R3HCC1L: variants seen among roughly 807,000 people sequenced by gnomAD.
R3HCC1L encodes coiled-coil domain-containing protein R3HCC1L.
In R3HCC1L, 51 loss-of-function variants were observed where a neutral mutation model predicts 59.9. The observed-to-expected ratio is 0.85, with a 90% CI of 0.68 to 1.07. R3HCC1L has a LOEUF of 1.07. Among genes scored for constraint, R3HCC1L ranks in the 50% least tolerant of loss-of-function variants. The pLI is 0.00. For missense variants in R3HCC1L, 965 were observed against 933.0 expected, an observed-to-expected ratio of 1.03 and a Z score of -0.45; for synonymous variants, 322 against 315.2, an observed-to-expected ratio of 1.02 and a Z score of -0.23.
chr10:98,211,231 C>T lies in R3HCC1L; in HGVS notation c.1785+1332C>T, dbSNP rs1853531304. ...CAAAGTATGGTCCCTAGACCAGCAG[C>T]ATGAGTATCACCTAGGAACTTGTTA... is the stretch of plus-strand genomic sequence containing the variant. On this transcript the variant is annotated intron_variant, in intron 5 of 9. Transcript: ENST00000298999. The T allele has an allele frequency of 5.6e-6, 5 of 892,378 alleles. No individual in the cohort carries two copies. In the Admixed American group the frequency reaches 9.0e-5, roughly 16 times the overall value. 55.3% of individuals were successfully genotyped at this position (892,378 alleles called of 1,614,324 possible).
At chr10:98,243,090 T>C (rs1182005928) in intron 9 of R3HCC1L, among the ~76,000 whole-genome samples, 4 of 152,234 alleles carry the variant, frequency 2.6e-5, no homozygotes, top group African/African-American at 7.2e-5. Context: ...ATAACTAACT[T>C]CTTTGCCCTT....
intron 1 of R3HCC1L, among the ~76,000 whole-genome samples, chr10:98,135,117 G>T (rs966042194): frequency 6.6e-6 from 1 of 152,214 alleles, no homozygotes; most frequent in Non-Finnish European, 1.5e-5. Flanking sequence ...TTCGAGCCTC[G>T]CCTTTGAGCC....
At chr10:98,196,712 A>G (rs1328002828) in intron 4 of R3HCC1L, among the ~76,000 whole-genome samples, 1 of 152,198 alleles carries the variant, frequency 6.6e-6, no homozygotes, top group Non-Finnish European at 1.5e-5. Flanking sequence ...ACGTGCTGCA[A>G]TAACTTCCTA....
intron 5 of R3HCC1L, among the ~76,000 whole-genome samples, chr10:98,229,357 G>A (rs1856073092): frequency 6.8e-6 from 1 of 147,708 alleles, no homozygotes; most frequent in African/African-American, 2.5e-5. Context: ...GTTGTGAATG[G>A]GAATTCACTC....
chr10:98,182,485 T>TG (rs906441898), intron 4 of R3HCC1L, among the ~76,000 whole-genome samples: 2 of 152,130 alleles, frequency 1.3e-5, no homozygotes, highest in African/African-American at 2.4e-5. Context: ...TTAGGCTACA[T>TG]GGGGGGTCAG....
intron 4 of R3HCC1L, among the ~76,000 whole-genome samples, chr10:98,176,266 T>C (rs1441366454): frequency 6.6e-6 from 1 of 152,192 alleles, no homozygotes; most frequent in Non-Finnish European, 1.5e-5. Context: ...TTCCTATGCC[T>C]CTTCATATCC....
At chr10:98,153,609 T>TAAAAAA (rs1160637755) in intron 1 of R3HCC1L, among the ~76,000 whole-genome samples, 4 of 81,008 alleles carry the variant, frequency 4.9e-5, no homozygotes, top group Admixed American at 1.4e-4. Flanking sequence ...AATGATCAAT[T>TAAAAAA]AAAAAAAAAA....
intron 5 of R3HCC1L, among the ~76,000 whole-genome samples, chr10:98,230,861 C>T (rs144017326): frequency 1.1e-3 from 168 of 152,090 alleles, no homozygotes; most frequent in Non-Finnish European, 1.8e-3. Context: ...TTTTATAGGA[C>T]GGTAGAATTT....
At chr10:98,142,097 G>A (rs558128916) in intron 1 of R3HCC1L, among the ~76,000 whole-genome samples, 13 of 152,244 alleles carry the variant, frequency 8.5e-5, no homozygotes, top group African/African-American at 2.9e-4. Context: ...TAAACCTAAA[G>A]CAATTTTAAA....
Position 98,235,433 on chromosome 10 carries a change from G to A in R3HCC1L, c.2041G>A (p.Ala681Thr). Reference sequence around the variant, plus strand: ...TTTATTCCTCTTTGCAGCTCGTGATGCGTTGGGTATTAAACACACCATGGT... The same window carrying A: ...TTTATTCCTCTTTGCAGCTCGTGATACGTTGGGTATTAAACACACCATGGT... ...VFSSPITARD[A>T]LGIKHTMVKI... Residue 681 changes from alanine (A) to threonine (T), a missense_variant, in exon 8 of 10, where the codon GCG (alanine) becomes ACG (threonine). Coordinates refer to ENST00000298999, the MANE Select transcript of R3HCC1L (RefSeq NM_001351015.2). 2 of 1,613,236 alleles carry A rather than the reference G, an allele frequency of 1.2e-6. No homozygotes were observed. Among genetic ancestry groups the A allele is most frequent in the Non-Finnish European group, 1.7e-6 (2 of 1,179,524 alleles).
intron 6 of R3HCC1L, among the ~76,000 whole-genome samples, 168 bp from the exon 7 acceptor site, chr10:98,234,278 A>G (rs542563768): frequency 4.6e-5 from 7 of 152,172 alleles, no homozygotes; most frequent in East Asian, 1.9e-4. Flanking sequence ...TTAAAATTCA[A>G]TGGCTTCTTC....
chr10:98,172,280 G>A (rs1294985544), intron 4 of R3HCC1L, among the ~76,000 whole-genome samples: 2 of 152,150 alleles, frequency 1.3e-5, no homozygotes, highest in Non-Finnish European at 2.9e-5. Flanking sequence ...AGGCAAACTA[G>A]CTTTTCAAGT....
intron 5 of R3HCC1L, among the ~76,000 whole-genome samples, chr10:98,225,814 C>G (rs1855609519): frequency 1.3e-5 from 2 of 152,096 alleles, no homozygotes; most frequent in Non-Finnish European, 2.9e-5. Context: ...ATTTTCTTGC[C>G]AGACTATCCT....
At chr10:98,146,038 A>T (rs907669782) in intron 1 of R3HCC1L, among the ~76,000 whole-genome samples, 13 of 152,220 alleles carry the variant, frequency 8.5e-5, no homozygotes, top group Non-Finnish European at 1.5e-4. Flanking sequence ...CCATCTATTT[A>T]CCATACATAT....
intron 4 of R3HCC1L, among the ~76,000 whole-genome samples, chr10:98,171,201 C>G (rs922187803): frequency 6.6e-6 from 1 of 152,224 alleles, no homozygotes; most frequent in African/African-American, 2.4e-5. Flanking sequence ...TGCATTGCCA[C>G]TTAATATCTG....
At chr10:98,151,482 C>CA (rs1452667362) in intron 1 of R3HCC1L, among the ~76,000 whole-genome samples, 2 of 152,188 alleles carry the variant, frequency 1.3e-5, no homozygotes, top group African/African-American at 4.8e-5. Context: ...TTATTACCAC[C>CA]ACCGCAACTA....
intron 5 of R3HCC1L, among the ~76,000 whole-genome samples, chr10:98,215,477 C>T (rs540245825): frequency 1.3e-5 from 2 of 152,172 alleles, no homozygotes; most frequent in Non-Finnish European, 2.9e-5. Context: ...TTTCCTAATA[C>T]TTCACGTTCA....
intron 5 of R3HCC1L, chr10:98,211,208 A>G: frequency 1.4e-6 from 1 of 689,736 alleles, no homozygotes. Flanking sequence ...GTGATTTCCA[A>G]AGTATGGTCC....
intron 1 of R3HCC1L, among the ~76,000 whole-genome samples, chr10:98,153,609 T>TAAAAA (rs1160637755): frequency 4.1e-4 from 33 of 80,924 alleles, no homozygotes; most frequent in Non-Finnish European, 5.1e-4. Flanking sequence ...AATGATCAAT[T>TAAAAA]AAAAAAAAAA....
Sources: allele counts gnomAD v4.1 joint callset (sites outside exome capture counted in the v4.1 genomes callset), GRCh38; gene constraint gnomAD v4.1.1; transcripts MANE v1.5; gene names NCBI Gene and HGNC (gene_info 2026-07-23, HGNC 2026-07-21).